SLIT3: variants seen among roughly 807,000 people sequenced by gnomAD.
The protein encoded by SLIT3 is slit homolog 3 protein.
A neutral mutation model predicts 184.0 loss-of-function variants in SLIT3; 68 were observed. The observed-to-expected ratio is 0.37, with a 90% confidence interval of 0.30 to 0.45. SLIT3 has a LOEUF of 0.45. SLIT3 is among the 20% of genes least tolerant of loss of function. The pLI, the probability that SLIT3 is intolerant of heterozygous loss-of-function variation, is 1.00. For synonymous variants in SLIT3, 831 were observed against 828.6 expected, an observed-to-expected ratio of 1.00 and a Z score of -0.05; for missense variants, 1,707 against 2,026.0, an observed-to-expected ratio of 0.84 and a Z score of 3.02.
At chr5:169,102,044 CT>C (rs1266742459) in intron 4 of SLIT3, among the ~76,000 whole-genome samples, 1 of 152,208 alleles carries the variant, frequency 6.6e-6, no homozygotes, top group Non-Finnish European at 1.5e-5. Context: ...GAAGTGACCC[CT>C]GTCCTATTCA....
At chr5:168,824,314 C>T (rs754898247) in intron 6 of SLIT3, among the ~76,000 whole-genome samples, 25 of 152,178 alleles carry the variant, frequency 1.6e-4, no homozygotes, top group Non-Finnish European at 3.1e-4. Context: ...CGACCATGAA[C>T]GGAGCTCCTA....
In SLIT3 at chr5:168,795,340, C is replaced by A. The variant is rs1286325257; in HGVS notation, c.1007+167G>T. Reference sequence around the variant, plus strand: ...CACACCTCACAATCTTCAGGCAACACTTCCACATCTTACCTCCCAAGCTTA... The same window carrying A: ...CACACCTCACAATCTTCAGGCAACAATTCCACATCTTACCTCCCAAGCTTA... On this transcript the variant is annotated intron_variant, in intron 10 of 35. Coordinates refer to ENST00000519560, the MANE Select transcript of SLIT3 (RefSeq NM_003062.4). 2.0e-5 allele frequency among the ~76,000 whole-genome samples: 3 copies of A among 152,334 alleles called. No individual in the cohort carries two copies. In the South Asian group the frequency reaches 6.2e-4, roughly 32 times the overall value.
intron 4 of SLIT3, among the ~76,000 whole-genome samples, chr5:168,989,758 T>TC (rs1156519670): frequency 6.6e-6 from 1 of 151,968 alleles, no homozygotes; most frequent in Non-Finnish European, 1.5e-5. Context: ...ACGTAGAAAA[T>TC]CAGCTCAGAG....
At chr5:169,043,588 C>A (rs1318569459) in intron 4 of SLIT3, among the ~76,000 whole-genome samples, 1 of 152,210 alleles carries the variant, frequency 6.6e-6, no homozygotes, top group Non-Finnish European at 1.5e-5. Flanking sequence ...TTTATATGAG[C>A]TATGTTCAAG....
intron 4 of SLIT3, among the ~76,000 whole-genome samples, chr5:168,996,298 G>A (rs1755506279): frequency 6.6e-6 from 1 of 152,188 alleles, no homozygotes; most frequent in Non-Finnish European, 1.5e-5. Context: ...TACCTAGGCT[G>A]AAGTCAACAG....
rs930257050 is a variant in SLIT3, at chr5:169,191,599, G to A, written c.413+1880C>T. Among the ~76,000 whole-genome samples the A allele has an allele frequency of 6.6e-5, 10 of 152,182 alleles. No homozygotes were observed. The South Asian group carries it at 8.3e-4, about 13-fold the overall frequency. On this transcript the variant is annotated intron_variant, in intron 4 of 35. Transcript: ENST00000519560. Reference sequence around the variant, plus strand: ...CCTCTACAAGGTAGGTAAAAGGGAGGAGAGGGTATCTCCCTTTACTGATGA... The same window carrying A: ...CCTCTACAAGGTAGGTAAAAGGGAGAAGAGGGTATCTCCCTTTACTGATGA...
At chr5:169,019,630 C>T (rs1345865868) in intron 4 of SLIT3, among the ~76,000 whole-genome samples, 2 of 152,106 alleles carry the variant, frequency 1.3e-5, no homozygotes, top group African/African-American at 4.8e-5. Context: ...TGATCACCTG[C>T]TACCTCTACC....
chr5:169,187,585 C>T (rs1181658596), intron 4 of SLIT3, among the ~76,000 whole-genome samples: 10 of 144,138 alleles, frequency 6.9e-5, no homozygotes, highest in Admixed American at 6.1e-4. Context: ...GAGACAGTCT[C>T]GCTCTGCCAT....
intron 2 of SLIT3, among the ~76,000 whole-genome samples, chr5:169,250,305 G>A (rs1765728158): frequency 6.6e-6 from 1 of 152,176 alleles, no homozygotes; most frequent in Admixed American, 6.5e-5. Context: ...GGCAAACAAT[G>A]TTGTAAAATT....
intron 4 of SLIT3, among the ~76,000 whole-genome samples, chr5:169,150,205 C>G (rs113160515): frequency 1.3e-5 from 2 of 152,258 alleles, no homozygotes; most frequent in East Asian, 1.9e-4. Context: ...AATCTGCTCC[C>G]CGCTCCAACC....
intron 4 of SLIT3, among the ~76,000 whole-genome samples, chr5:169,061,222 G>A (rs552116231): frequency 6.6e-6 from 1 of 152,284 alleles, no homozygotes; most frequent in Admixed American, 6.5e-5. Flanking sequence ...GGTGGAAAAT[G>A]ACCCTTTACT....
At chr5:168,835,776 A>G (rs570243356) in intron 6 of SLIT3, among the ~76,000 whole-genome samples, 4 of 150,424 alleles carry the variant, frequency 2.7e-5, no homozygotes, top group African/African-American at 9.8e-5. Context: ...CCACCACTGC[A>G]CTCCAGCCTG....
At chr5:169,244,163 T>G (rs981055846) in intron 3 of SLIT3, among the ~76,000 whole-genome samples, 11 of 152,220 alleles carry the variant, frequency 7.2e-5, no homozygotes, top group Non-Finnish European at 1.3e-4. Flanking sequence ...CATTCTCTCG[T>G]GGAAACGTGG....
chr5:168,748,278 T>A (rs918852480), intron 20 of SLIT3, 24 bp downstream of exon 20: 3 of 1,450,176 alleles, frequency 2.1e-6, no homozygotes, highest in Non-Finnish European at 2.7e-6. Context: ...GACAGGGTGC[T>A]TGGAGGCAGC....
At chr5:168,789,010 C>T (rs1231799130) in intron 11 of SLIT3, among the ~76,000 whole-genome samples, 1 of 151,996 alleles carries the variant, frequency 6.6e-6, no homozygotes, top group Non-Finnish European at 1.5e-5. Context: ...GTCTTGGAAC[C>T]CCTGGTGGGT....
At chr5:169,143,793 AC>A (rs1425520843) in intron 4 of SLIT3, among the ~76,000 whole-genome samples, 1 of 151,908 alleles carries the variant, frequency 6.6e-6, no homozygotes, top group Non-Finnish European at 1.5e-5. Flanking sequence ...GAGCCAGAAA[AC>A]GAAAAAAAAC....
intron 4 of SLIT3, among the ~76,000 whole-genome samples, chr5:169,141,780 G>A (rs778264622): frequency 1.3e-5 from 2 of 149,054 alleles, no homozygotes; most frequent in East Asian, 2.0e-4. Flanking sequence ...AGCCCAGAGC[G>A]GTGGCTCATG....
intron 3 of SLIT3, among the ~76,000 whole-genome samples, chr5:169,199,232 G>A (rs297850): frequency 0.18 from 26,919 of 148,300 alleles, 2,690 homozygotes; most frequent in East Asian, 0.44. Flanking sequence ...GGATGTACGT[G>A]AGGATTGGTC....
chr5:169,165,141 G>T (rs1328592720), intron 4 of SLIT3, among the ~76,000 whole-genome samples: 2 of 152,242 alleles, frequency 1.3e-5, no homozygotes, highest in Admixed American at 6.5e-5. Flanking sequence ...CTAGGGGAGG[G>T]GGTAACTAAA....
Sources: gnomAD v4.1 joint callset for allele counts (sites outside exome capture counted in the v4.1 genomes callset) on GRCh38, gnomAD v4.1.1 for gene constraint, MANE v1.5 for transcripts, NCBI Gene and HGNC (gene_info 2026-07-23, HGNC 2026-07-21) for gene names.